Variants in GNG2 observed in about 807,000 individuals in gnomAD.
GNG2 encodes the protein G protein subunit gamma 2.
In GNG2, 5 loss-of-function variants were observed where a neutral mutation model predicts 5.5. That is an observed-to-expected ratio of 0.91 (90% CI 0.48 to 1.92). The LOEUF (loss-of-function observed/expected upper bound fraction) is 1.92. GNG2 is among the 30% of genes most tolerant of loss of function. The pLI, the probability that GNG2 is intolerant of heterozygous loss-of-function variation, is 0.01. For missense variants in GNG2, 55 were observed against 88.4 expected, an observed-to-expected ratio of 0.62 and a Z score of 1.52; for synonymous variants, 28 against 32.0, an observed-to-expected ratio of 0.88 and a Z score of 0.42.
chr14:51,874,775 T>C (rs1883547586), intron 1 of GNG2, among the ~76,000 whole-genome samples: 1 of 152,114 alleles, frequency 6.6e-6, no homozygotes, highest in South Asian at 2.1e-4. Context: ...TGAATAATTA[T>C]AATGCATTGA....
chr14:51,885,540 C>G (rs1884389519), intron 2 of GNG2, among the ~76,000 whole-genome samples: 1 of 151,790 alleles, frequency 6.6e-6, no homozygotes, highest in African/African-American at 2.4e-5. Flanking sequence ...ACCTTGCTGG[C>G]CTAGATTTAT....
chr14:51,864,896 A>C (rs997509014), intron 1 of GNG2, among the ~76,000 whole-genome samples: 2 of 152,196 alleles, frequency 1.3e-5, no homozygotes, highest in Non-Finnish European at 2.9e-5. Flanking sequence ...CTACTAATGA[A>C]GTGTGATCCT....
At chr14:51,920,158 G>A (rs970772477) in intron 2 of GNG2, among the ~76,000 whole-genome samples, 3 of 152,124 alleles carry the variant, frequency 2.0e-5, no homozygotes, top group Admixed American at 6.5e-5. Flanking sequence ...TGTAGAACCT[G>A]CAGATACTGA....
intron 2 of GNG2, among the ~76,000 whole-genome samples, chr14:51,936,101 G>C (rs546757504): frequency 1.3e-5 from 2 of 152,138 alleles, no homozygotes; most frequent in African/African-American, 4.8e-5. Context: ...GACCAAACTT[G>C]TTAAATAAAA....
At chr14:51,830,436 A>G (rs930828630) in intron 2 of GNG2, among the ~76,000 whole-genome samples, 2 of 152,118 alleles carry the variant, frequency 1.3e-5, no homozygotes, top group Non-Finnish European at 2.9e-5. Context: ...TCAAATGCCA[A>G]TTGCCTATTG....
chr14:51,926,698 C>T (rs780998531), intron 2 of GNG2, among the ~76,000 whole-genome samples: 7 of 152,176 alleles, frequency 4.6e-5, no homozygotes, highest in Non-Finnish European at 1.0e-4. Flanking sequence ...GGTGTGGAAC[C>T]TGGGATTCAG....
At chr14:51,861,498 T>C (rs2140101888) in intron 1 of GNG2, 1 of 152,332 alleles carries the variant, frequency 6.6e-6, no homozygotes, top group South Asian at 2.1e-4. Context: ...TTTATGTTTA[T>C]ATGCATTTTA....
At chr14:51,855,582 A>G (rs1178444308), upstream of GNG2, among the ~76,000 whole-genome samples, 1 of 152,248 alleles carries the variant, frequency 6.6e-6, no homozygotes. Flanking sequence ...ATAAAATAAC[A>G]GCTCAGTAAT....
intron 2 of GNG2, among the ~76,000 whole-genome samples, chr14:51,848,111 C>G (rs535821242): frequency 3.3e-5 from 5 of 152,110 alleles, no homozygotes; most frequent in Non-Finnish European, 7.4e-5. Flanking sequence ...CACCCTTACT[C>G]TCCTTCCCTC....
intron 2 of GNG2, among the ~76,000 whole-genome samples, chr14:51,905,938 C>G (rs572932960): frequency 6.6e-6 from 1 of 152,214 alleles, no homozygotes; most frequent in African/African-American, 2.4e-5. Flanking sequence ...CCTCCCCAGC[C>G]GTGCAGAACT....
At chr14:51,907,259 G>T (rs1302199110) in intron 2 of GNG2, among the ~76,000 whole-genome samples, 2 of 152,186 alleles carry the variant, frequency 1.3e-5, no homozygotes, top group African/African-American at 4.8e-5. Flanking sequence ...TCATTGATTT[G>T]TGAAGTGCTG....
chr14:51,880,308 T>C (rs1883957658), intron 2 of GNG2, among the ~76,000 whole-genome samples: 1 of 152,224 alleles, frequency 6.6e-6, no homozygotes, highest in African/African-American at 2.4e-5. Context: ...TATGTCTGGC[T>C]GTTATTTTAT....
chr14:51,957,369 G>A (rs1889335060), intron 3 of GNG2, among the ~76,000 whole-genome samples: 1 of 151,924 alleles, frequency 6.6e-6, no homozygotes, highest in South Asian at 2.1e-4. Context: ...TTTGCAGTAT[G>A]ACTTTGAAAA....
At position 51,936,044 on chromosome 14, in the gene GNG2, C is replaced by A. The variant is rs188268249; in HGVS notation, c.-29-14606C>A. 1.2e-4 allele frequency among the ~76,000 whole-genome samples: 19 copies of A among 152,230 alleles called. No homozygotes were observed. In the East Asian group the frequency reaches 3.3e-3, roughly 26 times the overall value. ...TCCTAGAAAAATCATCAAGCCCCAT[C>A]CTGGAGAGTCCTTCCTCTCATGAGT... On this transcript the variant is annotated intron_variant, in intron 2 of 3. Transcript: ENST00000556766.
At chr14:51,880,440 C>T (rs985502234) in intron 2 of GNG2, among the ~76,000 whole-genome samples, 2 of 152,138 alleles carry the variant, frequency 1.3e-5, no homozygotes, top group Non-Finnish European at 2.9e-5. Context: ...TTCCTCCATA[C>T]ATTAAGTTAT....
At chr14:51,881,508 G>A (rs10150753) in intron 2 of GNG2, among the ~76,000 whole-genome samples, 78,925 of 151,808 alleles carry the variant, frequency 0.52, 21,266 homozygotes, top group African/African-American at 0.66. Context: ...AGCATCATCC[G>A]TAGCAAAACC....
At chr14:51,916,510 GAAA>G in intron 2 of GNG2, 2 of 403,954 alleles carry the variant, frequency 5.0e-6, no homozygotes, top group South Asian at 1.8e-5. Flanking sequence ...AAATAATCCT[GAAA>G]AAAAAAAAGA....
At chr14:51,937,121 C>A (rs1888053428) in intron 2 of GNG2, among the ~76,000 whole-genome samples, 1 of 152,184 alleles carries the variant, frequency 6.6e-6, no homozygotes, top group Admixed American at 6.5e-5. Context: ...TTTCCCTCTA[C>A]TCCTTATTGT....
chr14:51,901,400 C>A (rs1885545666), intron 2 of GNG2, among the ~76,000 whole-genome samples: 1 of 151,854 alleles, frequency 6.6e-6, no homozygotes, highest in Non-Finnish European at 1.5e-5. Context: ...ACTTTGTTGC[C>A]CAGACTGATC....
Sources: gnomAD v4.1 joint callset for allele counts (sites outside exome capture counted in the v4.1 genomes callset) on GRCh38, gnomAD v4.1.1 for gene constraint, MANE v1.5 for transcripts, NCBI Gene and HGNC (gene_info 2026-07-23, HGNC 2026-07-21) for gene names.